Variants in MAEA observed in about 807,000 individuals in gnomAD.
The protein encoded by MAEA is macrophage erythroblast attacher, E3 ubiquitin ligase, also known as E3 ubiquitin-protein transferase MAEA.
A neutral mutation model predicts 46.2 loss-of-function variants in MAEA; 22 were observed. That is an observed-to-expected ratio of 0.48 (90% CI 0.34 to 0.68). The LOEUF is 0.68. Among genes scored for constraint, MAEA ranks in the 30% least tolerant of loss-of-function variants. The pLI is 0.01. For missense variants in MAEA, 393 were observed against 558.1 expected (o/e 0.70, Z 2.98); for synonymous variants, 246 against 222.6 (o/e 1.11, Z -0.94).
chr4:1,337,196 C>G, intron 7 of MAEA: 1 of 600,474 alleles, frequency 1.7e-6, no homozygotes, highest in Non-Finnish European at 2.9e-6. Flanking sequence ...GCAGCCTTCA[C>G]TCTGGGAAGT....
At position 1,289,988 on chromosome 4, in the gene MAEA, C is replaced by A; in HGVS notation, c.69+6C>A. On this transcript the variant is annotated splice_donor_region_variant and intron_variant, in intron 1 of 8. Transcript: ENST00000303400. ...AGGAGTACCCGACCCTCAAGGTGGG[C>A]GCCTGCGCCGCGCAGGCTGAGGGCA... The A allele has an allele frequency of 1.9e-6, 3 of 1,582,536 alleles. No homozygotes were observed. The highest frequency in any genetic ancestry group is 2.6e-6 in the Non-Finnish European group (3 of 1,164,688).
chr4:1,337,444 A>G (rs935886957), intron 7 of MAEA: 11 of 201,028 alleles, frequency 5.5e-5, no homozygotes, highest in Non-Finnish European at 1.0e-4. Context: ...CCTGCCTGTG[A>G]CTCTGTCCCA....
At chr4:1,330,587 T>A (rs1056781821) in intron 5 of MAEA, 1 of 151,706 alleles carries the variant, frequency 6.6e-6, no homozygotes, top group South Asian at 2.1e-4. Flanking sequence ...AGTGCTGGGA[T>A]TACAGGCGTG....
intron 1 of MAEA, among the ~76,000 whole-genome samples, chr4:1,305,431 C>G (rs1735734948): frequency 6.6e-6 from 1 of 152,214 alleles, no homozygotes; most frequent in African/African-American, 2.4e-5. Flanking sequence ...GTTTGTTTAC[C>G]CATCCTGGTC....
At position 1,295,749 on chromosome 4, in the gene MAEA, C is replaced by T. The variant is rs1231028101; in HGVS notation, c.69+5767C>T. Among the ~76,000 whole-genome samples the T allele has an allele frequency of 1.2e-4, 3 of 25,392 alleles. 1 individual carries two copies. Among genetic ancestry groups the T allele is most frequent in the African/African-American group, 6.6e-4 (3 of 4,534 alleles). 16.7% of individuals were successfully genotyped at this position (25,392 alleles called of 152,430 possible). A position where few individuals can be genotyped will look rare whatever the true frequency, so the allele number is the denominator to read the frequency against. ...CTGTACCCCCTCACCCGCGCCTGTG[C>T]CCCCTCACCCGTGCCTCTGCCCCCC... On this transcript the variant is annotated intron_variant, in intron 1 of 8. Transcript: ENST00000303400.
rs778546466 is a variant in MAEA, at chr4:1,337,021, G to A, written c.899+27G>A. Reference sequence around the variant, plus strand: ...TATCCTACCTCCCGTGCGCAGTGCGGTTTGGCCTGGGGTTGGCATCTTTGG... The same window carrying A: ...TATCCTACCTCCCGTGCGCAGTGCGATTTGGCCTGGGGTTGGCATCTTTGG... On this transcript the variant is annotated intron_variant, in intron 7 of 8. Coordinates refer to ENST00000303400, the MANE Select transcript of MAEA (RefSeq NM_001017405.3). 11 of 1,611,034 alleles carry A rather than the reference G, an allele frequency of 6.8e-6. No individual in the cohort carries two copies. In the South Asian group the frequency reaches 8.8e-5, roughly 13 times the overall value.
At chr4:1,308,680 C>T (rs1053114023) in intron 1 of MAEA, among the ~76,000 whole-genome samples, 2 of 152,244 alleles carry the variant, frequency 1.3e-5, no homozygotes, top group Non-Finnish European at 2.9e-5. Context: ...TGTGGAGCAT[C>T]TTGTCATGTG....
chr4:1,313,002 G>C (rs1736705095), intron 2 of MAEA, among the ~76,000 whole-genome samples: 2 of 152,238 alleles, frequency 1.3e-5, no homozygotes, highest in South Asian at 2.1e-4. Context: ...TGGAGGTGAG[G>C]ACCGATGACC....
At chr4:1,308,250 G>T (rs1736022624) in intron 1 of MAEA, among the ~76,000 whole-genome samples, 1 of 152,202 alleles carries the variant, frequency 6.6e-6, no homozygotes, top group Non-Finnish European at 1.5e-5. Flanking sequence ...AAAAGGTGCA[G>T]TGAGAATGCA....
chr4:1,337,845 TG>T (rs1160657309), intron 7 of MAEA: 1 of 174,044 alleles, frequency 5.7e-6, no homozygotes, highest in African/African-American at 2.4e-5. Context: ...TGTCCCCACC[TG>T]TGACTGACTC....
At chr4:1,336,815 G>T in intron 6 of MAEA, 46 bp from the exon 7 acceptor site, 2 of 1,585,968 alleles carry the variant, frequency 1.3e-6, no homozygotes. Context: ...TGTCCCAGGA[G>T]CTTCCCTGGG....
Position 1,339,146 on chromosome 4 carries a change from GCCGAGAA to G in MAEA, c.1169_1175del (p.Ala390GlyfsTer47). On this transcript the variant is annotated frameshift_variant, in exon 9 of 9. Transcript: ENST00000303400. LOFTEE classifies it high-confidence loss of function. ...CAAAGAAGTCTTCCACTTCTCACAA[GCCGAGAA>G]GGTGTACATCATGTAGGCCCCACGT... 1 of 1,613,866 alleles carries G rather than the reference GCCGAGAA, an allele frequency of 6.2e-7. No homozygotes were observed. Among genetic ancestry groups the G allele is most frequent in the Non-Finnish European group, 8.5e-7 (1 of 1,179,920 alleles).
At chr4:1,290,496 C>G (rs1009589305) in intron 1 of MAEA, among the ~76,000 whole-genome samples, 7 of 152,204 alleles carry the variant, frequency 4.6e-5, no homozygotes, top group African/African-American at 1.4e-4. Context: ...CAGCTCTTGC[C>G]GTCCGGCTGC....
At chr4:1,325,798 C>T (rs950055090) in intron 4 of MAEA, among the ~76,000 whole-genome samples, 3 of 152,134 alleles carry the variant, frequency 2.0e-5, no homozygotes, top group South Asian at 2.1e-4. Flanking sequence ...GGTGGGGACT[C>T]GGGACCCTGG....
chr4:1,300,233 A>AAGGAAG (rs1735178737), intron 1 of MAEA, among the ~76,000 whole-genome samples: 1 of 152,196 alleles, frequency 6.6e-6, no homozygotes, highest in Non-Finnish European at 1.5e-5. Context: ...GAAAGGCCCG[A>AAGGAAG]AGGAAGATTG....
intron 3 of MAEA, among the ~76,000 whole-genome samples, chr4:1,316,616 C>T (rs921828081): frequency 6.6e-6 from 1 of 152,084 alleles, no homozygotes; most frequent in Admixed American, 6.5e-5. Context: ...CCTCAGCCCA[C>T]CTCCTCCCTG....
intron 5 of MAEA, chr4:1,330,191 A>G (rs918875029): frequency 2.1e-6 from 2 of 967,916 alleles, no homozygotes; most frequent in Non-Finnish European, 1.2e-6. Flanking sequence ...CCCTGACCCC[A>G]GGCGGCTGGG....
At chr4:1,335,045 G>C (rs1306776706) in intron 6 of MAEA, 1 of 985,400 alleles carries the variant, frequency 1.0e-6, no homozygotes, top group Non-Finnish European at 1.2e-6. Flanking sequence ...CTCCCCCCAA[G>C]CTAGAGACTG....
intron 1 of MAEA, among the ~76,000 whole-genome samples, chr4:1,294,612 C>T (rs1350504683): frequency 7.1e-6 from 1 of 141,260 alleles, no homozygotes; most frequent in Non-Finnish European, 1.6e-5. Flanking sequence ...GGTCTGAGAG[C>T]CTCCATCGGC....
Sources: gnomAD v4.1 joint callset for allele counts (sites outside exome capture counted in the v4.1 genomes callset) on GRCh38, gnomAD v4.1.1 for gene constraint, MANE v1.5 for transcripts, NCBI Gene and HGNC (gene_info 2026-07-23, HGNC 2026-07-21) for gene names.